The following ESRP2 variants were observed in gnomAD, a reference collection of about 807,000 sequenced individuals.
The protein encoded by ESRP2 is RNA binding motif protein 35A.
A neutral mutation model predicts 78.6 loss-of-function variants in ESRP2; 48 were observed. That is an observed-to-expected ratio of 0.61 (90% confidence interval 0.48 to 0.78). The LOEUF is 0.78. ESRP2 is among the 30% of genes least tolerant of loss of function. ESRP2 has a pLI of 0.00. For synonymous variants in ESRP2, 383 were observed against 406.7 expected (o/e 0.94, Z 0.70); for missense variants, 863 against 965.9 (o/e 0.89, Z 1.41).
rs2042208059 is a variant in ESRP2 at position 68,235,251 on chromosome 16, G to A, written c.327+383C>T. 1.0e-6 allele frequency: 1 copy of A among 985,436 alleles called. No homozygotes were observed. The highest frequency in any genetic ancestry group is 1.2e-6 in the Non-Finnish European group (1 of 829,914). 61.0% of individuals were successfully genotyped at this position (985,436 alleles called of 1,614,324 possible). A position where few individuals can be genotyped will look rare whatever the true frequency, so the allele number is the denominator to read the frequency against. On this transcript the variant is annotated intron_variant, in intron 2 of 14. Transcript: ENST00000473183. The surrounding 1 kb of genome is among the most constrained non-coding windows in gnomAD (Gnocchi z 5.5). ...AGCAGGCCGAAGACGCGGGCCGCAA[G>A]GACAGGTGACCTATATGGGCCCCTC...
At position 68,231,261 on chromosome 16, in the gene ESRP2, CAG is replaced by C. The variant is rs747727284; in HGVS notation, c.1626_1627del (p.Cys543PhefsTer149). ...CACTCGGCTCATCTCCTCTGTGGAA[CAG>C]GGGACCACCTCCACGTAGCGCTCCT... On this transcript the variant is annotated frameshift_variant, in exon 12 of 15. Coordinates refer to ENST00000473183, the MANE Select transcript of ESRP2 (RefSeq NM_024939.3). LOFTEE classifies it high-confidence loss of function. The surrounding 1 kb of genome is among the most constrained non-coding windows in gnomAD (Gnocchi z 6.0). 29 of 1,613,976 alleles carry C rather than the reference CAG, an allele frequency of 1.8e-5. No homozygotes were observed. Among genetic ancestry groups the C allele is most frequent in the Admixed American group, 5.0e-5 (3 of 59,998 alleles).
In ESRP2 at chr16:68,232,173, C is replaced by A; in HGVS notation, c.998-70G>T. On this transcript the variant is annotated intron_variant, in intron 9 of 14. Transcript: ENST00000473183. The surrounding 1 kb of genome is among the most constrained non-coding windows in gnomAD (Gnocchi z 5.2). The stretch of plus-strand genomic sequence containing the variant: ...ACACTCACCCATGCAGGGGAGCAGG[C>A]AGGCAAGGGGTGGTGGGGAAGTGAA... 3.1e-6 allele frequency: 5 copies of A among 1,612,744 alleles called. No homozygotes were observed. Among genetic ancestry groups the A allele is most frequent in the Non-Finnish European group, 3.4e-6 (4 of 1,179,204 alleles).
Position 68,232,544 on chromosome 16 carries a change from T to C in ESRP2, c.821+33A>G, listed in dbSNP as rs772471817. On this transcript the variant is annotated intron_variant, in intron 7 of 14. Transcript: ENST00000473183. This position sits in a 1 kb window ranked among gnomAD's most constrained non-coding sequence, Gnocchi z 5.2. Reference sequence around the variant, plus strand: ...TGTTAGTGCCTCCTGGGTAGGCCTGTCCAATTGGGCCCACCCACCCTGCCA... The same window carrying C: ...TGTTAGTGCCTCCTGGGTAGGCCTGCCCAATTGGGCCCACCCACCCTGCCA... The C allele has an allele frequency of 6.2e-7, 1 of 1,614,034 alleles. No homozygotes were observed. Among genetic ancestry groups the C allele is most frequent in the Non-Finnish European group, 8.5e-7 (1 of 1,179,984 alleles).
At position 68,235,594 on chromosome 16, in the gene ESRP2, C is replaced by T. The variant is rs745308274; in HGVS notation, c.327+40G>A. ...GCCGCCAATCCCGCCCAGAAATGTCCTCACGTCCAGGCCATGCCGCCACCC... is the reference window on the plus strand; with the variant it reads ...GCCGCCAATCCCGCCCAGAAATGTCTTCACGTCCAGGCCATGCCGCCACCC... On this transcript the variant is annotated intron_variant, in intron 2 of 14. Coordinates refer to ENST00000473183, the MANE Select transcript of ESRP2 (RefSeq NM_024939.3). The surrounding 1 kb of genome is among the most constrained non-coding windows in gnomAD (Gnocchi z 5.5). 8 of 1,594,290 alleles carry T rather than the reference C, an allele frequency of 5.0e-6. No homozygotes were observed. The highest frequency in any genetic ancestry group is 1.3e-5 in the African/African-American group (1 of 74,748).
chr16:68,235,928 C>T lies in ESRP2; in HGVS notation c.118G>A (p.Ala40Thr). ...LVVLFGATAG[A>T]LGRDLGSDET... Reference sequence around the variant, plus strand: ...TCCGAGCCCAGGTCCCGTCCCAGCGCACCCGCCGTAGCCCCGAAGAGGACG... The same window carrying T: ...TCCGAGCCCAGGTCCCGTCCCAGCGTACCCGCCGTAGCCCCGAAGAGGACG... The change falls in exon 1 of 15, where the codon GCG becomes ACG. Residue 40 changes from alanine (A) to threonine (T), a missense_variant. Coordinates refer to ENST00000473183, the MANE Select transcript of ESRP2 (RefSeq NM_024939.3). This position sits in a 1 kb window ranked among gnomAD's most constrained non-coding sequence, Gnocchi z 5.5. The T allele has an allele frequency of 1.3e-6, 2 of 1,599,066 alleles. No homozygotes were observed. Among genetic ancestry groups the T allele is most frequent in the Non-Finnish European group, 1.7e-6 (2 of 1,173,238 alleles).
In ESRP2 at chr16:68,231,519, A is replaced by G; in HGVS notation, c.1475T>C (p.Ile492Thr). ...CACCATGTGTACACCGTGGGGCCGA[A>G]TGTCAGCTGCTGCCTCCCCCAGAAA... ...LSFLGEAAADIRPHGVHMVLN... is the reference protein window; with the variant it reads ...LSFLGEAAADTRPHGVHMVLN... Residue 492 changes from isoleucine to threonine, a missense_variant, in exon 11 of 15, where the codon ATT (isoleucine) becomes ACT (threonine). Physicochemically the swap from Ile to Thr is moderately conservative, Grantham distance 89. Transcript: ENST00000473183. This position sits in a 1 kb window ranked among gnomAD's most constrained non-coding sequence, Gnocchi z 6.0. The G allele has an allele frequency of 6.2e-7, 1 of 1,614,088 alleles. No homozygotes were observed. Among genetic ancestry groups the G allele is most frequent in the Admixed American group, 1.7e-5 (1 of 60,012 alleles).
chr16:68,233,004 G>A (rs1006636123), intron 5 of ESRP2, among the ~76,000 whole-genome samples, 189 bp from the exon 6 acceptor site: 9 of 152,178 alleles, frequency 5.9e-5, no homozygotes, highest in African/African-American at 2.2e-4. Context: ...TTCCAGACCA[G>A]CCTGGCCAAC....
Position 68,229,364 on chromosome 16 carries a change from T to C in ESRP2, c.*862A>G, listed in dbSNP as rs980092005. On this transcript the variant is annotated 3_prime_UTR_variant, in exon 15 of 15. Transcript: ENST00000473183. Reference sequence around the variant, plus strand: ...TCTTTTAAAAAGTCCATTTGGTCAATAACTTTTCATTTAAGGAAGAGAAGA... The same window carrying C: ...TCTTTTAAAAAGTCCATTTGGTCAACAACTTTTCATTTAAGGAAGAGAAGA... The C allele has an allele frequency of 3.3e-5, 5 of 152,654 alleles. No homozygotes were observed. The highest frequency in any genetic ancestry group is 1.3e-4 in the Admixed American group (2 of 15,280). The allele number at this position is 152,654 out of a possible 1,614,324, so 9.5% of individuals were successfully genotyped here.
At chr16:68,233,632 A>G in intron 4 of ESRP2, 136 bp downstream of exon 4, 2 of 760,982 alleles carry the variant, frequency 2.6e-6, no homozygotes, top group Non-Finnish European at 4.5e-6. Flanking sequence ...ACAGACACGA[A>G]GACACAGTAC....
rs766807511 is a variant in ESRP2, at chr16:68,232,131, C to G, written c.998-28G>C. The G allele has an allele frequency of 6.2e-7, 1 of 1,609,822 alleles. No homozygotes were observed. The highest frequency in any genetic ancestry group is 1.7e-5 in the Admixed American group (1 of 59,798). On this transcript the variant is annotated intron_variant, in intron 9 of 14. Coordinates refer to ENST00000473183, the MANE Select transcript of ESRP2 (RefSeq NM_024939.3). This position sits in a 1 kb window ranked among gnomAD's most constrained non-coding sequence, Gnocchi z 5.2. ...GTGTATGAGAGTCGCCTGCTGACTT[C>G]ACTCATGCTCCTCCAGACACTCACC...
Position 68,232,395 on chromosome 16 carries a change from G to A in ESRP2, c.930C>T (p.His310=), listed in dbSNP as rs1294092119. The A allele has an allele frequency of 1.2e-6, 2 of 1,614,054 alleles. No individual in the cohort carries two copies. The highest frequency in any genetic ancestry group is 1.7e-5 in the Admixed American group (1 of 60,018). ...CCTCAATATAGCGGACGCCCATGTGGTGCTTGTGTCTCTGCAGCGCTAGGT... is the reference window on the plus strand; with the variant it reads ...CCTCAATATAGCGGACGCCCATGTGATGCTTGTGTCTCTGCAGCGCTAGGT... ...QRDLALQRHK[H]HMGVRYIEVY... Residue 310 remains histidine, a synonymous_variant, in exon 8 of 15, where the codon CAC becomes CAT. Coordinates refer to ENST00000473183, the MANE Select transcript of ESRP2 (RefSeq NM_024939.3). The surrounding 1 kb of genome is among the most constrained non-coding windows in gnomAD (Gnocchi z 5.2).
intron 5 of ESRP2, chr16:68,233,086 C>T: frequency 1.6e-6 from 1 of 612,524 alleles, no homozygotes; most frequent in Non-Finnish European, 2.9e-6. Context: ...ATAATCCCAG[C>T]TACTCTGGAG....
chr16:68,234,440 A>G, intron 2 of ESRP2: 1 of 243,326 alleles, frequency 4.1e-6, no homozygotes, highest in Non-Finnish European at 7.9e-6. Context: ...GGCGGGGCAA[A>G]GCAGGTTAAA....
At position 68,230,218 on chromosome 16, in the gene ESRP2, T is replaced by C. The variant is rs752044282; in HGVS notation, c.*8A>G. On this transcript the variant is annotated 3_prime_UTR_variant, in exon 15 of 15. Transcript: ENST00000473183. ...TATCAGCTGGCTCTTACCTCCTGGCTTTCTCTCCTACAAACACACCCATTC... is the reference window on the plus strand; with the variant it reads ...TATCAGCTGGCTCTTACCTCCTGGCCTTCTCTCCTACAAACACACCCATTC... 6.2e-7 allele frequency: 1 copy of C among 1,614,042 alleles called. No individual in the cohort carries two copies. The highest frequency in any genetic ancestry group is 8.5e-7 in the Non-Finnish European group (1 of 1,179,876).
At chr16:68,233,248 A>C in intron 5 of ESRP2, 79 bp downstream of exon 5, 4 of 962,328 alleles carry the variant, frequency 4.2e-6, no homozygotes, top group Non-Finnish European at 6.8e-6. Context: ...GTGGTCTCTT[A>C]GAGAAGGTCA....
chr16:68,235,958 G>A lies in ESRP2; in HGVS notation c.88C>T (p.Leu30=). The A allele has an allele frequency of 3.1e-6, 5 of 1,610,530 alleles. No individual in the cohort carries two copies. The highest frequency in any genetic ancestry group is 2.7e-5 in the African/African-American group (2 of 74,912). The change falls in exon 1 of 15, where the codon CTG becomes TTG. Residue 30 remains leucine, a synonymous_variant. Coordinates refer to ENST00000473183, the MANE Select transcript of ESRP2 (RefSeq NM_024939.3). The surrounding 1 kb of genome is among the most constrained non-coding windows in gnomAD (Gnocchi z 5.5). ...AADPCPWPGS[L]VVLFGATAGA... is the part of the protein sequence containing the mutation. Reference sequence around the variant, plus strand: ...GCCGTAGCCCCGAAGAGGACGACCAGTGATCCGGGCCAGGGGCAGGGGTCC... The same window carrying A: ...GCCGTAGCCCCGAAGAGGACGACCAATGATCCGGGCCAGGGGCAGGGGTCC...
At position 68,230,110 on chromosome 16, in the gene ESRP2, T is replaced by C; in HGVS notation, c.*116A>G. The C allele has an allele frequency of 1.0e-6, 1 of 962,668 alleles. No homozygotes were observed. The highest frequency in any genetic ancestry group is 1.6e-6 in the Non-Finnish European group (1 of 612,000). 59.6% of individuals were successfully genotyped at this position (962,668 alleles called of 1,614,324 possible). ...GGCTTGGGCTCCTCTAGGTACCTTC[T>C]GAGAGCTTTGACAAGCCAGAAAGAA... On this transcript the variant is annotated 3_prime_UTR_variant, in exon 15 of 15. Transcript: ENST00000473183.
rs1478417860 is a variant in ESRP2 at position 68,231,680 on chromosome 16, A to G, written c.1314T>C (p.Tyr438=). 3.1e-6 allele frequency: 5 copies of G among 1,608,990 alleles called. No individual in the cohort carries two copies. The highest frequency in any genetic ancestry group is 4.2e-6 in the Non-Finnish European group (5 of 1,176,790). Reference sequence around the variant, plus strand: ...GTGTAGGAAGGAGTGGGCCGGATGCATAGCGGTTCAAGACCTAGTAAGGAA... The same window carrying G: ...GTGTAGGAAGGAGTGGGCCGGATGCGTAGCGGTTCAAGACCTAGTAAGGAA... The part of the protein sequence containing the change: ...AAEVQQVLNR[Y]ASGPLLPTLT... The change falls in exon 11 of 15, where the codon TAT becomes TAC. Residue 438 remains tyrosine, a synonymous_variant. Transcript: ENST00000473183. This position sits in a 1 kb window ranked among gnomAD's most constrained non-coding sequence, Gnocchi z 6.0.
rs979184348 is a variant in ESRP2 at position 68,231,127 on chromosome 16, A to G, written c.1711+51T>C. On this transcript the variant is annotated intron_variant, in intron 12 of 14. Coordinates refer to ENST00000473183, the MANE Select transcript of ESRP2 (RefSeq NM_024939.3). The surrounding 1 kb of genome is among the most constrained non-coding windows in gnomAD (Gnocchi z 6.0). ...CCGCTATAGAAGGTAGGGGCTTACA[A>G]CAGCCTGGCTACCACAGGCCTCCTC... 2.5e-6 allele frequency: 4 copies of G among 1,610,094 alleles called. No homozygotes were observed. Among genetic ancestry groups the G allele is most frequent in the Admixed American group, 1.7e-5 (1 of 59,966 alleles).
Sources: allele counts gnomAD v4.1 joint callset (sites outside exome capture counted in the v4.1 genomes callset), GRCh38; gene constraint gnomAD v4.1.1; non-coding constraint Gnocchi (gnomAD v3.1); transcripts MANE v1.5; gene names NCBI Gene and HGNC (gene_info 2026-07-23, HGNC 2026-07-21).